The following TLR5 variants were observed in gnomAD, a reference collection of about 807,000 sequenced individuals.
TLR5 encodes toll-like receptor 5.
For synonymous variants in TLR5, 373 were observed against 384.4 expected (o/e 0.97, Z 0.35); for missense variants, 944 against 999.8 (o/e 0.94, Z 0.75).
At position 223,112,026 on chromosome 1, in the gene TLR5, C is replaced by G. The variant is rs771194285; in HGVS notation, c.1006G>C (p.Asp336His). ...GACAAATTGAGAACTTGGAGGTTGT[C>G]AAGTCCGTAAAATGCTTCATCTGCA... ...KIADEAFYGL[D>H]NLQVLNLSYN... Residue 336 changes from aspartate to histidine, a missense_variant, in exon 6 of 6, where the codon GAC becomes CAC. Asp to His is a moderately conservative substitution (Grantham distance 81, BLOSUM62 -1). Transcript: ENST00000642603. 8 of 1,614,044 alleles carry G rather than the reference C, an allele frequency of 5.0e-6. No individual in the cohort carries two copies. In the East Asian group the frequency reaches 6.7e-5, roughly 13 times the overall value.
chr1:223,134,927 A>AT (rs1558132977), intron 3 of TLR5, 63 bp from the exon 4 acceptor site: 1 of 150,094 alleles, frequency 6.7e-6, no homozygotes, highest in Non-Finnish European at 1.5e-5. Flanking sequence ...TGTGATGTAA[A>AT]TTGGAAACAG....
intron 2 of TLR5, among the ~76,000 whole-genome samples, chr1:223,138,315 AT>A (rs1657700049): frequency 6.6e-6 from 1 of 151,520 alleles, no homozygotes; most frequent in South Asian, 2.1e-4. Context: ...TTTGTTTAGC[AT>A]TGGGCAGCTT....
At chr1:223,141,818 T>TAGAGAGAGAG (rs1558137163) in intron 1 of TLR5, 55 bp from the exon 2 acceptor site, 6 of 43,280 alleles carry the variant, frequency 1.4e-4, no homozygotes, top group African/African-American at 4.9e-4. Flanking sequence ...TATATATATA[T>TAGAGAGAGAG]ATATAGAGAG....
In TLR5 at chr1:223,113,025, C is replaced by T; in HGVS notation, c.7G>A (p.Asp3Asn). Reference sequence around the variant, plus strand: ...ACTCCTAGGAGAAGGTCCAGGTGGTCTCCCATGATCCTATGGAGAAGAAGG... The same window carrying T: ...ACTCCTAGGAGAAGGTCCAGGTGGTTTCCCATGATCCTATGGAGAAGAAGG... MG[D>N]HLDLLLGVVL... The change falls in exon 6 of 6, where the codon GAC (aspartate) becomes AAC (asparagine). Residue 3 changes from aspartate to asparagine, a missense_variant. Physicochemically the swap from Asp to Asn is conservative, Grantham distance 23 (BLOSUM62 1). Transcript: ENST00000642603. 1 of 1,614,110 alleles carries T rather than the reference C, an allele frequency of 6.2e-7. No individual in the cohort carries two copies. The highest frequency in any genetic ancestry group is 8.5e-7 in the Non-Finnish European group (1 of 1,180,026).
At chr1:223,134,075 CCTCT>C (rs762695890) in intron 4 of TLR5, among the ~76,000 whole-genome samples, 27 of 152,280 alleles carry the variant, frequency 1.8e-4, no homozygotes, top group Non-Finnish European at 3.4e-4. Context: ...GAGTGCTGAA[CCTCT>C]CTAAGCATCA....
rs542363374 is a variant in TLR5 at position 223,118,841 on chromosome 1, C to T, written c.-4-5806G>A. Among the ~76,000 whole-genome samples, 38 of 152,174 alleles carry T rather than the reference C, an allele frequency of 2.5e-4. No individual in the cohort carries two copies. In the East Asian group the frequency reaches 4.1e-3, roughly 16 times the overall value. On this transcript the variant is annotated intron_variant, in intron 5 of 5. Transcript: ENST00000642603. ...CAGATGGGCCGGGCACGGTGGCTCA[C>T]GCCTGTAACCCCAGCACTTTGGGAG...
In TLR5 at chr1:223,117,562, C is replaced by CAAAAA. The variant is rs66839180; in HGVS notation, c.-4-4532_-4-4528dup. 1.5e-3 allele frequency among the ~76,000 whole-genome samples: 160 copies of CAAAAA among 104,002 alleles called. 1 individual carries two copies. The highest frequency in any genetic ancestry group is 2.3e-3 in the Non-Finnish European group (116 of 50,714). 68.2% of individuals were successfully genotyped at this position (104,002 alleles called of 152,430 possible). A position where few individuals can be genotyped will look rare whatever the true frequency, so the allele number is the denominator to read the frequency against. On this transcript the variant is annotated intron_variant, in intron 5 of 5. Coordinates refer to ENST00000642603, the MANE Select transcript of TLR5 (RefSeq NM_003268.6). ...CAAACAGAAAGAAGCATGGTGTTCA[C>CAAAAA]AAAAAAAAAAAAAAAAAAAAAGAAA...
At chr1:223,121,747 T>C (rs938227950) in intron 5 of TLR5, among the ~76,000 whole-genome samples, 12 of 152,210 alleles carry the variant, frequency 7.9e-5, no homozygotes, top group South Asian at 2.1e-4. Context: ...CTCGAACTCC[T>C]GGGCTCAAGC....
chr1:223,111,049 T>G lies in TLR5; in HGVS notation c.1983A>C (p.Thr661=), dbSNP rs772133664. 2 of 1,614,200 alleles carry G rather than the reference T, an allele frequency of 1.2e-6. No individual in the cohort carries two copies. The highest frequency in any genetic ancestry group is 1.1e-5 in the South Asian group (1 of 91,078). The change falls in exon 6 of 6, where the codon ACA becomes ACC. Residue 661 remains threonine (T), a synonymous_variant. Coordinates refer to ENST00000642603, the MANE Select transcript of TLR5 (RefSeq NM_003268.6). ...AGATAAAACAGAAGCCCCGGAACTT[T>G]GTGACTGTGAGGATGGTCATGAGGA... is the stretch of plus-strand genomic sequence containing the variant. ...TLFLMTILTV[T]KFRGFCFICY...
chr1:223,139,606 G>A (rs974925983), intron 2 of TLR5, among the ~76,000 whole-genome samples: 1 of 152,160 alleles, frequency 6.6e-6, no homozygotes, highest in Non-Finnish European at 1.5e-5. Context: ...TAGGCCTGGG[G>A]AGCTACCTGG....
chr1:223,133,176 G>A (rs912174978), intron 4 of TLR5, among the ~76,000 whole-genome samples: 1 of 152,200 alleles, frequency 6.6e-6, no homozygotes, highest in African/African-American at 2.4e-5. Context: ...CCTGAAAGTT[G>A]AAGAGTTGGC....
chr1:223,117,819 CATG>C (rs1225970912), intron 5 of TLR5, among the ~76,000 whole-genome samples: 1 of 152,068 alleles, frequency 6.6e-6, no homozygotes, highest in African/African-American at 2.4e-5. Context: ...ATCAAGATGT[CATG>C]ATAATGTATG....
chr1:223,135,202 G>A (rs982813707), intron 3 of TLR5, among the ~76,000 whole-genome samples: 2 of 152,186 alleles, frequency 1.3e-5, no homozygotes, highest in Non-Finnish European at 2.9e-5. Flanking sequence ...CTCAGGCCAG[G>A]ATGAGGATGC....
intron 2 of TLR5, among the ~76,000 whole-genome samples, chr1:223,138,175 C>T (rs957620056): frequency 1.3e-5 from 2 of 151,718 alleles, no homozygotes; most frequent in African/African-American, 4.8e-5. Flanking sequence ...GTTGCCCAGA[C>T]TGGTCTTGAA....
chr1:223,116,563 G>C (rs1309605481), intron 5 of TLR5, among the ~76,000 whole-genome samples: 1 of 152,174 alleles, frequency 6.6e-6, no homozygotes, highest in Non-Finnish European at 1.5e-5. Flanking sequence ...AAGAGCAAAA[G>C]AACAAACCTT....
In TLR5 at chr1:223,110,934, T is replaced by C. The variant is rs774376161; in HGVS notation, c.2098A>G (p.Ser700Gly). Residue 700 changes from serine (S) to glycine (G), a missense_variant, in exon 6 of 6, where the codon AGC becomes GGC. Ser to Gly is a moderately conservative substitution (Grantham distance 56, BLOSUM62 0). Transcript: ENST00000642603. Reference sequence around the variant, plus strand: ...TGCACCCATGTGAAGTCTTTGCTGCTGAAGCACAAATAGGCATCATATTTG... The same window carrying C: ...TGCACCCATGTGAAGTCTTTGCTGCCGAAGCACAAATAGGCATCATATTTG... The part of the protein sequence containing the change: ...MYKYDAYLCF[S>G]SKDFTWVQNA... 59 of 1,614,152 alleles carry C rather than the reference T, an allele frequency of 3.7e-5. No individual in the cohort carries two copies. Among genetic ancestry groups the C allele is most frequent in the Non-Finnish European group, 4.6e-5 (54 of 1,180,052 alleles).
At chr1:223,136,862 C>G (rs1657635436) in intron 3 of TLR5, among the ~76,000 whole-genome samples, 1 of 152,072 alleles carries the variant, frequency 6.6e-6, no homozygotes, top group Admixed American at 6.5e-5. Flanking sequence ...GAGTCTCACT[C>G]TGTCACCCAG....
chr1:223,123,021 A>G (rs1341526678), intron 5 of TLR5, among the ~76,000 whole-genome samples: 1 of 152,226 alleles, frequency 6.6e-6, no homozygotes, highest in Non-Finnish European at 1.5e-5. Context: ...AAGAAAAGAG[A>G]ATAGAAAATT....
intron 5 of TLR5, among the ~76,000 whole-genome samples, chr1:223,116,896 T>C (rs1656683372): frequency 6.6e-6 from 1 of 152,198 alleles, no homozygotes; most frequent in Non-Finnish European, 1.5e-5. Flanking sequence ...CCCAGCTGGC[T>C]TTGCCTAGTG....
Sources: allele counts gnomAD v4.1 joint callset (sites outside exome capture counted in the v4.1 genomes callset), GRCh38; gene constraint gnomAD v4.1.1; transcripts MANE v1.5; gene names NCBI Gene and HGNC (gene_info 2026-07-23, HGNC 2026-07-21).